CFAP43: variants seen among roughly 807,000 people sequenced by gnomAD.
The protein encoded by CFAP43 is cilia- and flagella-associated protein 43.
In CFAP43, 155 loss-of-function variants were observed where a neutral mutation model predicts 218.9. The ratio of observed to expected loss-of-function variants is 0.71; its 90% CI spans 0.62 to 0.81. The LOEUF (loss-of-function observed/expected upper bound fraction) is 0.81, where lower values mean the gene tolerates loss of function less well. Among genes scored for constraint, CFAP43 ranks in the 30% least tolerant of loss-of-function variants. The probability of loss-of-function intolerance (pLI) is 0.00; values close to 1 mark genes in which losing one functional copy is unlikely to be tolerated. For synonymous variants in CFAP43, 645 were observed against 681.3 expected, an observed-to-expected ratio of 0.95 and a Z score of 0.83; for missense variants, 1,778 against 1,954.3, an observed-to-expected ratio of 0.91 and a Z score of 1.70.
intron 29 of CFAP43, among the ~76,000 whole-genome samples, chr10:104,147,366 G>A (rs1053288778): frequency 6.6e-6 from 1 of 151,866 alleles, no homozygotes; most frequent in African/African-American, 2.4e-5. Flanking sequence ...GACATTTGTA[G>A]AAACATTATG....
At chr10:104,201,717 A>C (rs1396972887) in intron 8 of CFAP43, among the ~76,000 whole-genome samples, 2 of 150,754 alleles carry the variant, frequency 1.3e-5, no homozygotes, top group African/African-American at 4.9e-5. Context: ...GTGTTCATTT[A>C]CTGTACATCT....
chr10:104,198,346 A>T (rs569889367), intron 8 of CFAP43, among the ~76,000 whole-genome samples: 1 of 152,330 alleles, frequency 6.6e-6, no homozygotes, highest in South Asian at 2.1e-4. Flanking sequence ...GCAATGGCAC[A>T]ATCTCAGCTC....
intron 10 of CFAP43, 58 bp from the exon 11 acceptor site, chr10:104,194,072 G>T: frequency 6.3e-7 from 1 of 1,587,520 alleles, no homozygotes. Context: ...CTACACGTAA[G>T]AATGCTATTA....
chr10:104,230,881 T>G (rs1416093558), intron 1 of CFAP43, 38 bp from the exon 2 acceptor site: 1 of 1,529,196 alleles, frequency 6.5e-7, no homozygotes, highest in South Asian at 1.3e-5. Context: ...TATAATACAT[T>G]TCAAATACTT....
At chr10:104,214,474 T>C (rs1246355924) in intron 3 of CFAP43, 48 bp from the exon 4 acceptor site, 2 of 1,455,348 alleles carry the variant, frequency 1.4e-6, no homozygotes, top group Non-Finnish European at 9.3e-7. Context: ...TTGAATTTCA[T>C]GTATTTAGAA....
chr10:104,164,678 G>A (rs1266058965), intron 23 of CFAP43, among the ~76,000 whole-genome samples: 2 of 152,182 alleles, frequency 1.3e-5, no homozygotes, highest in African/African-American at 2.4e-5. Flanking sequence ...GATTACAGGC[G>A]TGAGCCACCG....
At chr10:104,174,899 C>A (rs2089557063) in intron 19 of CFAP43, among the ~76,000 whole-genome samples, 1 of 151,080 alleles carries the variant, frequency 6.6e-6, no homozygotes, top group South Asian at 2.1e-4. Flanking sequence ...ACTAAAAATA[C>A]AAAAAATCAG....
chr10:104,232,205 G>T lies in CFAP43; in HGVS notation c.42C>A (p.Ala14=). Residue 14 remains alanine (A), a synonymous_variant, in exon 1 of 38, where the codon GCC becomes GCA. Coordinates refer to ENST00000357060, the MANE Select transcript of CFAP43 (RefSeq NM_025145.7). ...GRERDEGPHS[A]GGASLSVRWV... is the part of the protein sequence containing the mutation. ...ACCTCACGGACAAGGACGCGCCGCC[G>T]GCGGAGTGGGGGCCTTCGTCGCGCT... 6.2e-7 allele frequency: 1 copy of T among 1,609,422 alleles called. No individual in the cohort carries two copies. Among genetic ancestry groups the T allele is most frequent in the Non-Finnish European group, 8.5e-7 (1 of 1,178,606 alleles).
At chr10:104,164,399 A>AAT in intron 23 of CFAP43, 99 bp from the exon 24 acceptor site, 1 of 796,688 alleles carries the variant, frequency 1.3e-6, no homozygotes, top group Non-Finnish European at 1.9e-6. Flanking sequence ...CATTCCACAA[A>AAT]TTTTTTTTTT....
At chr10:104,230,187 C>T (rs557483876) in intron 2 of CFAP43, among the ~76,000 whole-genome samples, 1 of 152,086 alleles carries the variant, frequency 6.6e-6, no homozygotes, top group East Asian at 1.9e-4. Context: ...AAAAATGGGG[C>T]CAGGCGTGGT....
intron 27 of CFAP43, among the ~76,000 whole-genome samples, chr10:104,159,509 T>C (rs1246219): frequency 0.28 from 42,359 of 151,862 alleles, 8,468 homozygotes; most frequent in African/African-American, 0.58. Flanking sequence ...GTAATGACAT[T>C]GAGTAGGTGA....
chr10:104,212,813 C>A (rs1352997052), intron 4 of CFAP43, among the ~76,000 whole-genome samples: 1 of 152,136 alleles, frequency 6.6e-6, no homozygotes, highest in African/African-American at 2.4e-5. Flanking sequence ...TTCAAAACTT[C>A]CTTGCCTAGA....
chr10:104,153,100 G>T (rs1401066039), intron 27 of CFAP43, among the ~76,000 whole-genome samples: 3 of 152,020 alleles, frequency 2.0e-5, no homozygotes, highest in Non-Finnish European at 4.4e-5. Context: ...TTTTTCTCAA[G>T]CACTGGTCAT....
At chr10:104,221,082 T>G (rs1011479264) in intron 3 of CFAP43, among the ~76,000 whole-genome samples, 7 of 152,072 alleles carry the variant, frequency 4.6e-5, no homozygotes, top group Non-Finnish European at 8.8e-5. Flanking sequence ...TTCAAGTGAT[T>G]CTCCTGCCTC....
intron 36 of CFAP43, 124 bp downstream of exon 36, chr10:104,131,992 T>C (rs2087216594): frequency 1.6e-6 from 1 of 644,006 alleles, no homozygotes; most frequent in Admixed American, 3.6e-5. Context: ...AATTACCTCA[T>C]GAATACTAGT....
chr10:104,144,494 C>T (rs1418493348), intron 31 of CFAP43, among the ~76,000 whole-genome samples: 1 of 152,098 alleles, frequency 6.6e-6, no homozygotes, highest in African/African-American at 2.4e-5. Context: ...ACTAAAAATA[C>T]AAAAATTAGC....
chr10:104,179,203 T>C, intron 18 of CFAP43, 97 bp from the exon 19 acceptor site: 2 of 1,030,000 alleles, frequency 1.9e-6, no homozygotes, highest in Non-Finnish European at 2.8e-6. Context: ...AAACAGAAAC[T>C]AAAATTTGTA....
intron 24 of CFAP43, 103 bp downstream of exon 24, chr10:104,163,991 T>A: frequency 9.1e-7 from 1 of 1,104,146 alleles, no homozygotes; most frequent in South Asian, 1.5e-5. Context: ...CTGAGAGTGC[T>A]ACCCAGTACA....
chr10:104,175,425 TA>T (rs887585884), intron 19 of CFAP43, among the ~76,000 whole-genome samples: 2 of 152,166 alleles, frequency 1.3e-5, no homozygotes, highest in Non-Finnish European at 2.9e-5. Flanking sequence ...ATCCTGTCTC[TA>T]AATAAATAAA....
Sources: allele counts gnomAD v4.1 joint callset (sites outside exome capture counted in the v4.1 genomes callset), GRCh38; gene constraint gnomAD v4.1.1; transcripts MANE v1.5; gene names NCBI Gene and HGNC (gene_info 2026-07-23, HGNC 2026-07-21).